BCAS3: variants seen among roughly 807,000 people sequenced by gnomAD.
BCAS3 encodes the protein BCAS4/BCAS3 fusion.
A neutral mutation model predicts 116.1 loss-of-function variants in BCAS3; 53 were observed. The ratio of observed to expected loss-of-function variants is 0.46; its 90% CI spans 0.37 to 0.57. The LOEUF (loss-of-function observed/expected upper bound fraction) is 0.57, where lower values mean the gene tolerates loss of function less well. Among genes scored for constraint, BCAS3 ranks in the 20% least tolerant of loss-of-function variants. The probability of loss-of-function intolerance (pLI) is 0.00; values close to 1 mark genes in which losing one functional copy is unlikely to be tolerated. For missense variants in BCAS3, 917 were observed against 1,165.4 expected (o/e 0.79, Z 3.10); for synonymous variants, 391 against 408.2 (o/e 0.96, Z 0.51).
chr17:60,828,316 A>G (rs2050612901), intron 7 of BCAS3, among the ~76,000 whole-genome samples: 1 of 152,242 alleles, frequency 6.6e-6, no homozygotes, highest in South Asian at 2.1e-4. Context: ...TGTTAAAGAC[A>G]AAAGTTGAAG....
chr17:60,945,207 A>G (rs536414673), intron 13 of BCAS3, among the ~76,000 whole-genome samples: 1 of 152,214 alleles, frequency 6.6e-6, no homozygotes, highest in African/African-American at 2.4e-5. Flanking sequence ...CTAAAAGACA[A>G]TATTTTCAGA....
intron 6 of BCAS3, among the ~76,000 whole-genome samples, chr17:60,802,156 T>C (rs1001489647): frequency 2.0e-5 from 3 of 151,600 alleles, no homozygotes; most frequent in Non-Finnish European, 2.9e-5. Context: ...TGGTGGCACG[T>C]GCCTGTAGTC....
intron 11 of BCAS3, among the ~76,000 whole-genome samples, chr17:60,903,918 A>G (rs534262351): frequency 3.9e-5 from 6 of 152,342 alleles, no homozygotes; most frequent in East Asian, 3.9e-4. Context: ...AGACTTGTCT[A>G]TCTCATACAC....
At chr17:60,694,498 T>A (rs987327843) in intron 4 of BCAS3, among the ~76,000 whole-genome samples, 27 of 151,024 alleles carry the variant, frequency 1.8e-4, no homozygotes, top group African/African-American at 6.1e-4. Context: ...AGATTCCATC[T>A]CAAAAAAAAA....
chr17:60,917,180 AAT>A (rs2058821344), intron 12 of BCAS3, among the ~76,000 whole-genome samples: 2 of 152,256 alleles, frequency 1.3e-5, no homozygotes, highest in African/African-American at 4.8e-5. Flanking sequence ...ATTATTTAAC[AAT>A]ATAAAATGTA....
chr17:60,875,920 A>G (rs1381718156), intron 9 of BCAS3, among the ~76,000 whole-genome samples: 1 of 152,064 alleles, frequency 6.6e-6, no homozygotes, highest in Non-Finnish European at 1.5e-5. Flanking sequence ...AATAATGGAC[A>G]GTCTTTTTCA....
intron 22 of BCAS3, among the ~76,000 whole-genome samples, chr17:61,242,355 T>A (rs918955127): frequency 2.0e-5 from 3 of 152,140 alleles, no homozygotes; most frequent in Non-Finnish European, 2.9e-5. Context: ...CCTTGAGATG[T>A]GTGCTGGTTA....
chr17:61,168,129 G>T (rs569628291), intron 22 of BCAS3, among the ~76,000 whole-genome samples: 9 of 152,102 alleles, frequency 5.9e-5, no homozygotes, highest in Non-Finnish European at 1.2e-4. Context: ...TATTTCATTT[G>T]CTGGGTCAGG....
At chr17:60,815,725 A>G (rs2144659599) in intron 7 of BCAS3, among the ~76,000 whole-genome samples, 1 of 152,352 alleles carries the variant, frequency 6.6e-6, no homozygotes, top group South Asian at 2.1e-4. Flanking sequence ...TAGTTACAAG[A>G]CAGCAAATAG....
At chr17:61,358,563 A>G (rs1425786588) in intron 22 of BCAS3, among the ~76,000 whole-genome samples, 1 of 139,008 alleles carries the variant, frequency 7.2e-6, no homozygotes, top group East Asian at 2.2e-4. Flanking sequence ...GTGCAGTGCC[A>G]CGATCTTGGC....
chr17:60,832,646 G>A (rs1026063707), intron 7 of BCAS3, among the ~76,000 whole-genome samples: 1 of 152,084 alleles, frequency 6.6e-6, no homozygotes, highest in Non-Finnish European at 1.5e-5. Flanking sequence ...CAAATGTAAA[G>A]AGGTTATTTT....
In BCAS3 at chr17:61,041,803, A is replaced by G. The variant is rs2067531885; in HGVS notation, c.2029+911A>G. On this transcript the variant is annotated intron_variant, in intron 19 of 23. Transcript: ENST00000407086. The surrounding 1 kb of genome is among the most constrained non-coding windows in gnomAD (Gnocchi z 4.7). ...TTATGAAACTCTATAACTGTAATCA[A>G]TAGTTGGCAGTCTTGCTCTCTCATA... 6.6e-6 allele frequency among the ~76,000 whole-genome samples: 1 copy of G among 152,012 alleles called. No homozygotes were observed. The highest frequency in any genetic ancestry group is 1.5e-5 in the Non-Finnish European group (1 of 67,958).
chr17:60,749,799 T>C (rs1000752063), intron 6 of BCAS3, among the ~76,000 whole-genome samples: 1 of 152,162 alleles, frequency 6.6e-6, no homozygotes, highest in African/African-American at 2.4e-5. Context: ...TAGAATCCAA[T>C]GACATATAAA....
At chr17:61,197,631 G>T (rs1035861835) in intron 22 of BCAS3, among the ~76,000 whole-genome samples, 1 of 152,192 alleles carries the variant, frequency 6.6e-6, no homozygotes, top group Non-Finnish European at 1.5e-5. Context: ...AAGTTAGAAT[G>T]TGCACAGGGA....
Position 61,020,390 on chromosome 17 carries a change from A to T in BCAS3, c.1637+4489A>T, listed in dbSNP as rs1789109606. The stretch of plus-strand genomic sequence containing the variant: ...TTCTTGTTCAGTACCTTGAAGCAGC[A>T]CTTGGAGGTAATAAGGCCTGTTTTG... On this transcript the variant is annotated intron_variant, in intron 16 of 23. Transcript: ENST00000407086. The surrounding 1 kb of genome is among the most constrained non-coding windows in gnomAD (Gnocchi z 4.5). 6.6e-6 allele frequency among the ~76,000 whole-genome samples: 1 copy of T among 152,208 alleles called. No homozygotes were observed. The highest frequency in any genetic ancestry group is 2.1e-4 in the South Asian group (1 of 4,832).
intron 5 of BCAS3, among the ~76,000 whole-genome samples, chr17:60,740,486 G>C (rs1453225868): frequency 7.3e-6 from 1 of 137,104 alleles, no homozygotes; most frequent in Non-Finnish European, 1.5e-5. Flanking sequence ...GTGACAGGGT[G>C]AGACCCTGTC....
chr17:60,826,565 A>C (rs569092977), intron 7 of BCAS3, among the ~76,000 whole-genome samples: 19 of 152,204 alleles, frequency 1.2e-4, no homozygotes, highest in Non-Finnish European at 2.6e-4. Context: ...TATTTGTGAA[A>C]GGTTTGCTTC....
chr17:61,178,386 C>T (rs2079270536), intron 22 of BCAS3, among the ~76,000 whole-genome samples: 1 of 152,004 alleles, frequency 6.6e-6, no homozygotes, highest in South Asian at 2.1e-4. Context: ...AGAGTTTTAC[C>T]CATCCAATCA....
intron 20 of BCAS3, among the ~76,000 whole-genome samples, chr17:61,076,249 A>G (rs1601021337): frequency 6.6e-6 from 1 of 152,194 alleles, no homozygotes; most frequent in South Asian, 2.1e-4. Context: ...CAGGTTACCA[A>G]TCTGACAGCT....
Sources: gnomAD v4.1 joint callset for allele counts (sites outside exome capture counted in the v4.1 genomes callset) on GRCh38, gnomAD v4.1.1 for gene constraint, Gnocchi (gnomAD v3.1) non-coding constraint, MANE v1.5 for transcripts, NCBI Gene and HGNC (gene_info 2026-07-23, HGNC 2026-07-21) for gene names.